AKAP6: variants seen among roughly 807,000 people sequenced by gnomAD.
AKAP6 encodes the protein A-kinase anchoring protein 6.
A neutral mutation model predicts 188.5 loss-of-function variants in AKAP6; 58 were observed. The observed-to-expected ratio is 0.31, with a 90% confidence interval of 0.25 to 0.38. AKAP6 has a LOEUF of 0.38. Among genes scored for constraint, AKAP6 ranks in the 10% least tolerant of loss-of-function variants. AKAP6 has a pLI of 1.00. For missense variants in AKAP6, 2,710 were observed against 2,740.0 expected (o/e 0.99, Z 0.24); for synonymous variants, 989 against 998.6 (o/e 0.99, Z 0.18).
intron 2 of AKAP6, among the ~76,000 whole-genome samples, chr14:32,522,032 C>T (rs947316123): frequency 6.6e-6 from 1 of 152,128 alleles, no homozygotes; most frequent in Admixed American, 6.5e-5. Context: ...AGAAATAATA[C>T]CACACATCTA....
intron 12 of AKAP6, 144 bp downstream of exon 12, chr14:32,774,037 A>G (rs920197132): frequency 2.5e-6 from 2 of 814,346 alleles, no homozygotes; most frequent in African/African-American, 3.4e-5. Flanking sequence ...AGTGGTTTTA[A>G]CTAACTAAAG....
At chr14:32,754,718 G>A (rs1027661253) in intron 11 of AKAP6, among the ~76,000 whole-genome samples, 2 of 152,036 alleles carry the variant, frequency 1.3e-5, no homozygotes, top group African/African-American at 4.8e-5. Context: ...ATTTCTCTAG[G>A]AAAATCCTTA....
At chr14:32,673,272 C>T (rs1889294931) in intron 7 of AKAP6, among the ~76,000 whole-genome samples, 1 of 152,206 alleles carries the variant, frequency 6.6e-6, no homozygotes, top group South Asian at 2.1e-4. Context: ...TCATCCTTCC[C>T]TACAATAATT....
intron 9 of AKAP6, among the ~76,000 whole-genome samples, chr14:32,703,185 G>A (rs972541012): frequency 3.3e-5 from 5 of 152,144 alleles, no homozygotes; most frequent in Non-Finnish European, 5.9e-5. Context: ...AAGAAGGCGG[G>A]GAGAGGGGGG....
chr14:32,430,251 T>C (rs908680149), intron 1 of AKAP6, among the ~76,000 whole-genome samples: 10 of 152,086 alleles, frequency 6.6e-5, no homozygotes, highest in African/African-American at 2.2e-4. Context: ...TTAGGGCAAA[T>C]GGGATCCTAT....
At chr14:32,757,968 G>A (rs75546418) in intron 11 of AKAP6, among the ~76,000 whole-genome samples, 1,640 of 152,300 alleles carry the variant, frequency 0.011, 27 homozygotes, top group African/African-American at 0.037. Context: ...AGAAATTCCT[G>A]TGTTGTTTTG....
At chr14:32,547,532 C>T (rs1883255295) in intron 4 of AKAP6, among the ~76,000 whole-genome samples, 1 of 152,120 alleles carries the variant, frequency 6.6e-6, no homozygotes, top group South Asian at 2.1e-4. Context: ...AACCATATTA[C>T]CTATACATGT....
At chr14:32,741,833 T>G (rs1170107357) in intron 11 of AKAP6, among the ~76,000 whole-genome samples, 2 of 147,830 alleles carry the variant, frequency 1.4e-5, no homozygotes, top group South Asian at 2.2e-4. Context: ...TTTTTTTTTT[T>G]TTTTTTTTTT....
At chr14:32,438,658 A>G (rs1890467812) in intron 2 of AKAP6, 1 of 152,190 alleles carries the variant, frequency 6.6e-6, no homozygotes, top group African/African-American at 2.4e-5. Context: ...TGAAACCTAC[A>G]TATTTTGCTT....
At chr14:32,386,357 G>A (rs766929899) in intron 1 of AKAP6, among the ~76,000 whole-genome samples, 27 of 152,090 alleles carry the variant, frequency 1.8e-4, no homozygotes, top group Non-Finnish European at 3.1e-4. Context: ...CTGATCATTA[G>A]TGATGTTGAG....
Position 32,490,584 on chromosome 14 carries a change from C to T in AKAP6, c.325-44970C>T, listed in dbSNP as rs533988233. ...GGTCCTTTAGAGGTCCTTCTGAAAGCCTAAATTTTTACCAGGGCCTCTCCT... is the reference window on the plus strand; with the variant it reads ...GGTCCTTTAGAGGTCCTTCTGAAAGTCTAAATTTTTACCAGGGCCTCTCCT... On this transcript the variant is annotated intron_variant, in intron 2 of 13. Coordinates refer to ENST00000280979, the MANE Select transcript of AKAP6 (RefSeq NM_004274.5). Among the ~76,000 whole-genome samples the T allele has an allele frequency of 8.5e-5, 13 of 152,188 alleles. No homozygotes were observed. The South Asian group carries it at 2.7e-3, about 32-fold the overall frequency.
intron 12 of AKAP6, among the ~76,000 whole-genome samples, chr14:32,805,378 T>C (rs2034063073): frequency 6.6e-6 from 1 of 152,204 alleles, no homozygotes; most frequent in Non-Finnish European, 1.5e-5. Flanking sequence ...CCATGATTCA[T>C]TTAGATGTGG....
At chr14:32,533,563 G>A (rs371817284) in intron 2 of AKAP6, among the ~76,000 whole-genome samples, 3 of 152,158 alleles carry the variant, frequency 2.0e-5, no homozygotes, top group African/African-American at 7.2e-5. Flanking sequence ...CAACAGAATG[G>A]GGGGAAGTGT....
rs149848791 is a variant in AKAP6 at position 32,766,434 on chromosome 14, C to G, written c.3373-7244C>G. The stretch of plus-strand genomic sequence containing the variant: ...TTTAACTTTTTGAGGAAATGTCATA[C>G]TGTTTTTTCATGTGGCTGCACCATT... On this transcript the variant is annotated intron_variant, in intron 11 of 13. Transcript: ENST00000280979. Among the ~76,000 whole-genome samples, 385 of 152,198 alleles carry G rather than the reference C, an allele frequency of 2.5e-3. 13 individuals are homozygous for G. The highest frequency in any genetic ancestry group is 0.023 in the Admixed American group (349 of 15,270).
At chr14:32,692,575 G>C (rs1005564490) in intron 8 of AKAP6, among the ~76,000 whole-genome samples, 2 of 152,094 alleles carry the variant, frequency 1.3e-5, no homozygotes, top group East Asian at 1.9e-4. Context: ...TGTTGCACTG[G>C]TTGTATTGGT....
intron 5 of AKAP6, among the ~76,000 whole-genome samples, chr14:32,593,853 T>G (rs1334074807): frequency 6.6e-6 from 1 of 152,088 alleles, no homozygotes; most frequent in African/African-American, 2.4e-5. Context: ...CAGCAGCATT[T>G]ATGTTTTGGG....
At chr14:32,559,093 C>A (rs1048755654) in intron 4 of AKAP6, among the ~76,000 whole-genome samples, 5 of 152,070 alleles carry the variant, frequency 3.3e-5, no homozygotes, top group Admixed American at 3.3e-4. Context: ...AGCATAGACA[C>A]AAAATCAATA....
chr14:32,811,558 T>A (rs2034235653), intron 12 of AKAP6, among the ~76,000 whole-genome samples: 1 of 152,156 alleles, frequency 6.6e-6, no homozygotes, highest in Admixed American at 6.6e-5. Context: ...GGGACTTGCG[T>A]GATTGGCATC....
At chr14:32,644,480 C>T (rs1887898073) in intron 7 of AKAP6, among the ~76,000 whole-genome samples, 2 of 152,126 alleles carry the variant, frequency 1.3e-5, no homozygotes, top group South Asian at 4.1e-4. Flanking sequence ...CATTTGATCT[C>T]TGTAAATAGT....
Sources: gnomAD v4.1 joint callset for allele counts (sites outside exome capture counted in the v4.1 genomes callset) on GRCh38, gnomAD v4.1.1 for gene constraint, MANE v1.5 for transcripts, NCBI Gene and HGNC (gene_info 2026-07-23, HGNC 2026-07-21) for gene names.